The following UNC5C variants were observed in gnomAD, a reference collection of about 807,000 sequenced individuals.
The protein encoded by UNC5C is netrin receptor UNC5C.
In UNC5C, 47 loss-of-function variants were observed where a neutral mutation model predicts 99.8. The ratio of observed to expected loss-of-function variants is 0.47; its 90% CI spans 0.37 to 0.60. UNC5C has a LOEUF of 0.60. Ranked by LOEUF, UNC5C falls within the 20% of genes least tolerant of loss-of-function variation. UNC5C has a pLI of 0.00. For missense variants in UNC5C, 1,062 were observed against 1,165.9 expected, an observed-to-expected ratio of 0.91 and a Z score of 1.30; for synonymous variants, 487 against 452.2, an observed-to-expected ratio of 1.08 and a Z score of -0.98.
chr4:95,249,832 T>C (rs1739628208), intron 5 of UNC5C, among the ~76,000 whole-genome samples: 1 of 152,224 alleles, frequency 6.6e-6, no homozygotes, highest in Non-Finnish European at 1.5e-5. Flanking sequence ...AAGGCAGCCC[T>C]TATCTTCACT....
chr4:95,540,913 T>C lies in UNC5C; in HGVS notation c.124+7821A>G, dbSNP rs554156500. ...ATAACATAGTGCTCTTTTCACTGACTATCATTTTTAGTTTCTATAAAAGTT... is the reference window on the plus strand; with the variant it reads ...ATAACATAGTGCTCTTTTCACTGACCATCATTTTTAGTTTCTATAAAAGTT... On this transcript the variant is annotated intron_variant, in intron 1 of 15. Coordinates refer to ENST00000453304, the MANE Select transcript of UNC5C (RefSeq NM_003728.4). 1.2e-4 allele frequency among the ~76,000 whole-genome samples: 19 copies of C among 152,346 alleles called. No homozygotes were observed. In the South Asian group the frequency reaches 3.9e-3, roughly 32 times the overall value.
chr4:95,191,258 C>T (rs781551520), intron 12 of UNC5C, among the ~76,000 whole-genome samples: 50 of 152,312 alleles, frequency 3.3e-4, no homozygotes, highest in Non-Finnish European at 6.3e-4. Flanking sequence ...TGTCTCTCTG[C>T]CTGTTCCTTC....
chr4:95,540,667 A>G (rs1484019688), intron 1 of UNC5C, among the ~76,000 whole-genome samples: 2 of 152,204 alleles, frequency 1.3e-5, no homozygotes, highest in Non-Finnish European at 2.9e-5. Flanking sequence ...TACAATGTGT[A>G]TATTTGCCAA....
intron 12 of UNC5C, among the ~76,000 whole-genome samples, chr4:95,194,252 G>A (rs112283294): frequency 5.6e-4 from 86 of 152,292 alleles, no homozygotes; most frequent in African/African-American, 2.0e-3. Context: ...CTATGTATTA[G>A]GAACAGGACT....
At chr4:95,410,646 C>A (rs150791189) in intron 1 of UNC5C, among the ~76,000 whole-genome samples, 1 of 152,166 alleles carries the variant, frequency 6.6e-6, no homozygotes, top group Non-Finnish European at 1.5e-5. Context: ...GGGGATGCAG[C>A]GTTTAGCTAG....
At chr4:95,318,639 A>G (rs1293939480) in intron 2 of UNC5C, among the ~76,000 whole-genome samples, 2 of 152,174 alleles carry the variant, frequency 1.3e-5, no homozygotes, top group Admixed American at 6.5e-5. Context: ...ATCATTGTCC[A>G]GGGTCATCCA....
At chr4:95,373,352 C>T (rs190838842) in intron 1 of UNC5C, among the ~76,000 whole-genome samples, 1 of 152,270 alleles carries the variant, frequency 6.6e-6, no homozygotes, top group Non-Finnish European at 1.5e-5. Context: ...GTGCCAGTCA[C>T]TCAGACTTTC....
chr4:95,444,894 A>G (rs1032121126), intron 1 of UNC5C, among the ~76,000 whole-genome samples: 1 of 152,174 alleles, frequency 6.6e-6, no homozygotes, highest in Admixed American at 6.5e-5. Flanking sequence ...TTTCAATTAT[A>G]TTTAGAAATG....
At chr4:95,206,219 T>G (rs147135826) in intron 11 of UNC5C, among the ~76,000 whole-genome samples, 68 of 152,048 alleles carry the variant, frequency 4.5e-4, no homozygotes, top group African/African-American at 1.6e-3. Context: ...CAGGCTGGTC[T>G]CAAACTCCTG....
chr4:95,336,789 G>A (rs1743366519), intron 1 of UNC5C, among the ~76,000 whole-genome samples: 2 of 151,898 alleles, frequency 1.3e-5, no homozygotes, highest in South Asian at 4.1e-4. Context: ...TTTTGACACT[G>A]AAATGTAAAT....
intron 2 of UNC5C, among the ~76,000 whole-genome samples, chr4:95,330,711 G>A (rs1264743108): frequency 1.3e-5 from 2 of 151,656 alleles, no homozygotes; most frequent in African/African-American, 2.4e-5. Flanking sequence ...CACTATTTTT[G>A]TACCTCTTCA....
intron 1 of UNC5C, among the ~76,000 whole-genome samples, chr4:95,352,684 T>C (rs537919636): frequency 2.0e-5 from 3 of 152,272 alleles, no homozygotes; most frequent in East Asian, 3.9e-4. Flanking sequence ...AAGCTTGGAA[T>C]TCCTTCTCCC....
chr4:95,195,710 C>T (rs536539255), intron 12 of UNC5C, among the ~76,000 whole-genome samples: 4 of 152,264 alleles, frequency 2.6e-5, no homozygotes, highest in South Asian at 2.1e-4. Flanking sequence ...GGCCCAAGAA[C>T]GTGAGCATCA....
chr4:95,326,018 G>T (rs1213266667), intron 2 of UNC5C, among the ~76,000 whole-genome samples: 2 of 152,148 alleles, frequency 1.3e-5, no homozygotes, highest in African/African-American at 4.8e-5. Context: ...AAAGGTTTTG[G>T]AAGCAGAGAG....
At chr4:95,238,449 A>G (rs1323862842) in intron 7 of UNC5C, among the ~76,000 whole-genome samples, 1 of 152,136 alleles carries the variant, frequency 6.6e-6, no homozygotes, top group African/African-American at 2.4e-5. Flanking sequence ...AGAAAATGGA[A>G]ATTTTTAACT....
chr4:95,286,965 G>T (rs1741260160), intron 3 of UNC5C, among the ~76,000 whole-genome samples: 1 of 152,134 alleles, frequency 6.6e-6, no homozygotes, highest in African/African-American at 2.4e-5. Context: ...AAAAAAGTGG[G>T]ATGCCATATT....
In UNC5C at chr4:95,202,903, T is replaced by C. The variant is rs558984414; in HGVS notation, c.1964A>G (p.Glu655Gly). ...TTPCYIQLDA[E>G]ACHILTENLS... ...GTTCTCTGTGAGGATGTGGCAGGCC[T>C]CTGCATCCAGCTGAATGTAGCAGGG... The change falls in exon 12 of 16, where the codon GAG becomes GGG. Residue 655 changes from glutamate (E) to glycine (G), a missense_variant. Around this residue, in one of 3 missense-constraint regions of UNC5C, gnomAD observed 810 missense variants for 854.5 expected, o/e 0.95. Transcript: ENST00000453304. 1 of 1,614,220 alleles carries C rather than the reference T, an allele frequency of 6.2e-7. No homozygotes were observed. The highest frequency in any genetic ancestry group is 2.2e-5 in the East Asian group (1 of 44,874).
intron 1 of UNC5C, among the ~76,000 whole-genome samples, chr4:95,345,144 G>A (rs1406558670): frequency 6.6e-6 from 1 of 151,684 alleles, no homozygotes; most frequent in Admixed American, 6.6e-5. Context: ...CACATAGACT[G>A]AAAATAAAGG....
intron 2 of UNC5C, among the ~76,000 whole-genome samples, chr4:95,334,908 T>C (rs1743272923): frequency 6.6e-6 from 1 of 152,008 alleles, no homozygotes; most frequent in East Asian, 1.9e-4. Flanking sequence ...AAGTTAGGAT[T>C]CACTTTGGAT....
Sources: gnomAD v4.1 joint callset for allele counts (sites outside exome capture counted in the v4.1 genomes callset) on GRCh38, gnomAD v4.1.1 for gene constraint, gnomAD v4.1.1 regional missense constraint, MANE v1.5 for transcripts, NCBI Gene and HGNC (gene_info 2026-07-23, HGNC 2026-07-21) for gene names.